GRIA4: variants seen among roughly 807,000 people sequenced by gnomAD.
GRIA4 encodes glutamate ionotropic receptor AMPA type subunit 4.
Under a neutral mutation model 104.0 loss-of-function variants are expected in GRIA4, and 34 were observed. The ratio of observed to expected loss-of-function variants is 0.33; its 90% CI spans 0.25 to 0.44. GRIA4 has a LOEUF of 0.44. Among genes scored for constraint, GRIA4 ranks in the 20% least tolerant of loss-of-function variants. The pLI is 1.00. For missense variants in GRIA4, 750 were observed against 1,096.5 expected (o/e 0.68, Z 4.46); for synonymous variants, 386 against 381.9 (o/e 1.01, Z -0.13).
chr11:105,838,616 T>C (rs75649526), intron 4 of GRIA4, among the ~76,000 whole-genome samples: 4,396 of 152,286 alleles, frequency 0.029, 228 homozygotes, highest in African/African-American at 0.1. Context: ...TTTCCATAAA[T>C]TGAACTAAAA....
intron 3 of GRIA4, among the ~76,000 whole-genome samples, chr11:105,656,372 A>G (rs1261434190): frequency 2.0e-5 from 3 of 151,324 alleles, no homozygotes; most frequent in African/African-American, 7.3e-5. Flanking sequence ...AAATTAACTC[A>G]AGATGGTTTA....
chr11:105,707,145 C>A (rs141057123), intron 3 of GRIA4: 2 of 153,602 alleles, frequency 1.3e-5, no homozygotes, highest in East Asian at 1.9e-4. Context: ...AGTCAGAACC[C>A]CTGGCTTTGA....
intron 4 of GRIA4, among the ~76,000 whole-genome samples, chr11:105,805,501 C>T (rs1174123581): frequency 7.4e-6 from 1 of 135,730 alleles, no homozygotes; most frequent in Non-Finnish European, 1.5e-5. Context: ...AAAAAACAAG[C>T]CACAAAAAGA....
At chr11:105,875,493 C>T (rs1305016860) in intron 5 of GRIA4, among the ~76,000 whole-genome samples, 2 of 152,070 alleles carry the variant, frequency 1.3e-5, no homozygotes, top group Admixed American at 6.5e-5. Context: ...GGAATGGTAC[C>T]AACTCCTGTT....
At chr11:105,944,811 C>A (rs367632066) in intron 14 of GRIA4, among the ~76,000 whole-genome samples, 12 of 152,042 alleles carry the variant, frequency 7.9e-5, no homozygotes, top group African/African-American at 2.9e-4. Context: ...TTGTTTCTCT[C>A]CAAATTCACA....
In GRIA4 at chr11:105,911,089, T is replaced by C. The variant is rs201552672; in HGVS notation, c.1269+544T>C. Among the ~76,000 whole-genome samples the C allele has an allele frequency of 2.6e-5, 4 of 152,174 alleles. No individual in the cohort carries two copies. In the East Asian group the frequency reaches 7.7e-4, roughly 29 times the overall value. On this transcript the variant is annotated intron_variant, in intron 10 of 16. Transcript: ENST00000282499. ...TAACTAAATGATTTAGGAATTAATTTTGTTTTATTTTTATTTTGAATGAGA... is the reference window on the plus strand; with the variant it reads ...TAACTAAATGATTTAGGAATTAATTCTGTTTTATTTTTATTTTGAATGAGA...
rs545465848 is a variant in GRIA4, at chr11:105,957,247, T to G, written c.2295-14667T>G. On this transcript the variant is annotated intron_variant, in intron 14 of 16. Transcript: ENST00000282499. ...CTAGGGTTTTTATGGCTTTTAGGTC[T>G]AACATGTAAGTCTTTAATCCATCTT... 4.6e-5 allele frequency among the ~76,000 whole-genome samples: 7 copies of G among 152,314 alleles called. No individual in the cohort carries two copies. In the South Asian group the frequency reaches 8.3e-4, roughly 18 times the overall value.
At chr11:105,783,491 T>C (rs1371706030) in intron 4 of GRIA4, among the ~76,000 whole-genome samples, 5 of 152,206 alleles carry the variant, frequency 3.3e-5, no homozygotes, top group Non-Finnish European at 5.9e-5. Flanking sequence ...GGAAGCATAA[T>C]GCCAGTGCAG....
Position 105,943,880 on chromosome 11 carries a change from CTA to C in GRIA4, c.2294+9924_2294+9925del, listed in dbSNP as rs749896599. 1.7e-4 allele frequency among the ~76,000 whole-genome samples: 25 copies of C among 148,142 alleles called. No individual in the cohort carries two copies. The South Asian group carries it at 3.7e-3, about 22-fold the overall frequency. On this transcript the variant is annotated intron_variant, in intron 14 of 16. Transcript: ENST00000282499. ...GAAAAACAGGAAATGCTCTCTCTCT[CTA>C]TATATATATATAGGAATTTATAATG...
At chr11:105,954,235 C>T (rs73550981) in intron 14 of GRIA4, among the ~76,000 whole-genome samples, 11,689 of 152,196 alleles carry the variant, frequency 0.077, 506 homozygotes, top group African/African-American at 0.1. Flanking sequence ...CAAAGCAAAC[C>T]ACATAATGAG....
intron 6 of GRIA4, among the ~76,000 whole-genome samples, chr11:105,897,395 GC>G (rs1359032746): frequency 6.6e-6 from 1 of 151,932 alleles, no homozygotes; most frequent in South Asian, 2.1e-4. Context: ...CTATTTGAAT[GC>G]CTTTTTTTCT....
At chr11:105,954,708 T>C (rs965591548) in intron 14 of GRIA4, among the ~76,000 whole-genome samples, 7 of 151,986 alleles carry the variant, frequency 4.6e-5, no homozygotes, top group South Asian at 2.1e-4. Flanking sequence ...ATATGGATCA[T>C]TGGTACTTAT....
At chr11:105,702,267 A>G (rs1953525078) in intron 3 of GRIA4, among the ~76,000 whole-genome samples, 1 of 152,154 alleles carries the variant, frequency 6.6e-6, no homozygotes, top group Non-Finnish European at 1.5e-5. Context: ...ACTTTCAATG[A>G]TAAACCATAA....
intron 3 of GRIA4, among the ~76,000 whole-genome samples, chr11:105,644,977 T>G (rs1008561474): frequency 6.6e-6 from 1 of 152,136 alleles, no homozygotes; most frequent in Non-Finnish European, 1.5e-5. Context: ...AGCTAAGCAG[T>G]GCGTGACTGG....
intron 4 of GRIA4, among the ~76,000 whole-genome samples, chr11:105,832,472 G>A (rs769509563): frequency 2.6e-5 from 4 of 151,702 alleles, no homozygotes; most frequent in Non-Finnish European, 5.9e-5. Flanking sequence ...TACAGAGCAT[G>A]TTCACTTACT....
At chr11:105,965,428 A>G (rs1252623307) in intron 14 of GRIA4, among the ~76,000 whole-genome samples, 1 of 151,706 alleles carries the variant, frequency 6.6e-6, no homozygotes, top group African/African-American at 2.4e-5. Flanking sequence ...GATTCTGCGA[A>G]CAACTAAATC....
chr11:105,709,400 T>C (rs917909161), intron 3 of GRIA4, among the ~76,000 whole-genome samples: 3 of 152,150 alleles, frequency 2.0e-5, no homozygotes, highest in Admixed American at 6.6e-5. Context: ...ACAGTCATAA[T>C]TGCTGCAGGA....
intron 5 of GRIA4, among the ~76,000 whole-genome samples, chr11:105,870,991 T>C (rs1280242669): frequency 6.6e-6 from 1 of 152,056 alleles, no homozygotes; most frequent in East Asian, 1.9e-4. Flanking sequence ...TATAGTCACA[T>C]TTATACCAGT....
At chr11:105,663,113 T>C (rs1403397655) in intron 3 of GRIA4, among the ~76,000 whole-genome samples, 4 of 151,908 alleles carry the variant, frequency 2.6e-5, no homozygotes, top group Non-Finnish European at 5.9e-5. Flanking sequence ...TAAAATGTTT[T>C]AAAAAGGACA....
Sources: allele counts gnomAD v4.1 joint callset (sites outside exome capture counted in the v4.1 genomes callset), GRCh38; gene constraint gnomAD v4.1.1; transcripts MANE v1.5; gene names NCBI Gene and HGNC (gene_info 2026-07-23, HGNC 2026-07-21).